Variants in UMOD observed in about 807,000 individuals in gnomAD.
UMOD encodes the protein Tamm-Horsfall urinary glycoprotein.
UMOD carries 64 observed loss-of-function variants against 66.0 expected under a neutral mutation model. The ratio of observed to expected loss-of-function variants is 0.97; its 90% CI spans 0.79 to 1.19. UMOD has a LOEUF of 1.19. Among genes scored for constraint, UMOD ranks in the 50% most tolerant of loss-of-function variants. The pLI, the probability that UMOD is intolerant of heterozygous loss-of-function variation, is 0.00. For synonymous variants in UMOD, 398 were observed against 352.7 expected, an observed-to-expected ratio of 1.13 and a Z score of -1.44; for missense variants, 764 against 850.9, an observed-to-expected ratio of 0.90 and a Z score of 1.27.
In UMOD at chr16:20,350,784, A is replaced by G. The variant is rs75645968; in HGVS notation, c.-47T>C. ...TTCAGGTCTAGATAGCACCTGCCCA[A>G]AGGAAAGACGGGTTGGCCCTTTGAA... On this transcript the variant is annotated 5_prime_UTR_variant, in exon 2 of 11. Coordinates refer to ENST00000396138, the MANE Select transcript of UMOD (RefSeq NM_003361.4). The G allele has an allele frequency of 0.017, 28,109 of 1,613,218 alleles. 638 individuals carry two copies. The highest frequency in any genetic ancestry group is 0.078 in the African/African-American group (5,824 of 74,994).
At chr16:20,335,714 C>A (rs1432739715) in intron 9 of UMOD, among the ~76,000 whole-genome samples, 194 bp from the exon 10 acceptor site, 1 of 152,216 alleles carries the variant, frequency 6.6e-6, no homozygotes, top group Admixed American at 6.5e-5. Context: ...GGTCCCAACC[C>A]TTAGCAAGAA....
rs142448261 is a variant in UMOD at position 20,334,973 on chromosome 16, G to A, written c.1861+509C>T. Among the ~76,000 whole-genome samples the A allele has an allele frequency of 6.5e-3, 991 of 151,574 alleles. 8 individuals carry two copies. Among genetic ancestry groups the A allele is most frequent in the African/African-American group, 0.022 (917 of 41,302 alleles). On this transcript the variant is annotated intron_variant, in intron 10 of 10. Transcript: ENST00000396138. Reference sequence around the variant, plus strand: ...TCAGCCTCCCAAGTAGCTGGGAGGCGCGCGCCACCACACCCAGCTAACTTT... The same window carrying A: ...TCAGCCTCCCAAGTAGCTGGGAGGCACGCGCCACCACACCCAGCTAACTTT...
In UMOD at chr16:20,336,509, A is replaced by G. The variant is rs546247616; in HGVS notation, c.1822+137T>C. On this transcript the variant is annotated intron_variant, in intron 9 of 10. Coordinates refer to ENST00000396138, the MANE Select transcript of UMOD (RefSeq NM_003361.4). ...GTGAAAGGAAGGCAGTCTGTATTCC[A>G]CCTTGCCCCAGAGGATCCACTTGCT... The G allele has an allele frequency of 2.5e-5, 19 of 769,614 alleles. No individual in the cohort carries two copies. In the African/African-American group the frequency reaches 2.6e-4, roughly 10 times the overall value. The allele number at this position is 769,614 out of a possible 1,614,324, so 47.7% of individuals were successfully genotyped here. A position where few individuals can be genotyped will look rare whatever the true frequency, so the allele number is the denominator to read the frequency against.
At chr16:20,334,613 G>T (rs368005151) in intron 10 of UMOD, among the ~76,000 whole-genome samples, 1 of 152,206 alleles carries the variant, frequency 6.6e-6, no homozygotes, top group African/African-American at 2.4e-5. Flanking sequence ...CACAGCATAG[G>T]TATGTGTGCA....
chr16:20,344,038 T>A lies in UMOD; in HGVS notation c.1317A>T (p.Leu439=), dbSNP rs142589683. 1 of 1,613,634 alleles carries A rather than the reference T, an allele frequency of 6.2e-7. No individual in the cohort carries two copies. Among genetic ancestry groups the A allele is most frequent in the African/African-American group, 1.3e-5 (1 of 74,876 alleles). The change falls in exon 6 of 11, where the codon CTA becomes CTT. Residue 439 remains leucine (L), a synonymous_variant. Coordinates refer to ENST00000396138, the MANE Select transcript of UMOD (RefSeq NM_003361.4). ...LDMKVSLKTA[L]QPMVSALNIR... is the part of the protein sequence containing the mutation. Reference sequence around the variant, plus strand: ...TCTGGCCACACCTGACCATTGGCTGTAGGGCGGTCTTCAGGCTGACTTTCA... The same window carrying A: ...TCTGGCCACACCTGACCATTGGCTGAAGGGCGGTCTTCAGGCTGACTTTCA...
At chr16:20,341,005 A>G (rs1156253119) in intron 7 of UMOD, 86 bp downstream of exon 7, 2 of 1,441,994 alleles carry the variant, frequency 1.4e-6, no homozygotes, top group African/African-American at 2.8e-5. Context: ...AAAAAAAAAA[A>G]AAAAGATGCA....
intron 8 of UMOD, 76 bp from the exon 9 acceptor site, chr16:20,336,803 C>T: frequency 7.3e-7 from 1 of 1,362,448 alleles, no homozygotes; most frequent in Non-Finnish European, 1.0e-6. Flanking sequence ...GAGTGGACTG[C>T]CCACCTCACA....
rs767650985 is a variant in UMOD at position 20,341,200 on chromosome 16, T to G, written c.1468A>C (p.Met490Leu). ...CGGGACAGGTCGCCCCCATCCAACA[T>G]GGTGCCCACGTAGAGAAAAGCCTCA... ...STEAFLYVGT[M>L]LDGGDLSRFA... The change falls in exon 7 of 11, where the codon ATG (methionine) becomes CTG (leucine). Residue 490 changes from methionine (M) to leucine (L), a missense_variant. Met to Leu is a conservative substitution (Grantham distance 15). Coordinates refer to ENST00000396138, the MANE Select transcript of UMOD (RefSeq NM_003361.4). 6.2e-7 allele frequency: 1 copy of G among 1,613,844 alleles called. No individual in the cohort carries two copies. Among genetic ancestry groups the G allele is most frequent in the Non-Finnish European group, 8.5e-7 (1 of 1,180,000 alleles).
intron 6 of UMOD, chr16:20,342,589 C>T (rs745528399): frequency 6.6e-6 from 1 of 151,822 alleles, no homozygotes; most frequent in Non-Finnish European, 1.5e-5. Flanking sequence ...GGGCAAGCTT[C>T]GAAGGGAAGG....
intron 4 of UMOD, among the ~76,000 whole-genome samples, chr16:20,347,109 G>A (rs574924463): frequency 1.3e-3 from 193 of 152,186 alleles, no homozygotes; most frequent in Admixed American, 2.4e-3. Context: ...TGCAACCTCC[G>A]CATCCTGGGT....
Position 20,337,468 on chromosome 16 carries a change from C to T in UMOD, c.1578-15G>A. 4 of 1,614,176 alleles carry T rather than the reference C, an allele frequency of 2.5e-6. No individual in the cohort carries two copies. Among genetic ancestry groups the T allele is most frequent in the South Asian group, 1.1e-5 (1 of 91,070 alleles). On this transcript the variant is annotated splice_polypyrimidine_tract_variant and intron_variant, in intron 7 of 10. Coordinates refer to ENST00000396138, the MANE Select transcript of UMOD (RefSeq NM_003361.4). ...TGTGTGGGCATCTGGGAGGGTTACA[C>T]ATCATTTAATGTGGTTGGTTAAATA...
At chr16:20,353,295 C>A (rs1420979263), upstream of UMOD, among the ~76,000 whole-genome samples, 2 of 152,112 alleles carry the variant, frequency 1.3e-5, no homozygotes, top group Non-Finnish European at 2.9e-5. Context: ...CCACTCTGTA[C>A]AACAAAGAAT....
chr16:20,341,054 C>T, intron 7 of UMOD, 37 bp downstream of exon 7: 1 of 1,546,660 alleles, frequency 6.5e-7, no homozygotes. Flanking sequence ...CCTCTGAATT[C>T]TACCCATGAG....
chr16:20,341,210 G>GT lies in UMOD; in HGVS notation c.1457dup (p.Tyr486Ter). Residue 486 changes from tyrosine to a stop codon, truncating the protein, a stop_gained and frameshift_variant, in exon 7 of 11, where the codon TAC (tyrosine) becomes TAAC (stop). Transcript: ENST00000396138. LOFTEE classifies it high-confidence loss of function. ...CGCCCCCATCCAACATGGTGCCCAC[G>GT]TAGAGAAAAGCCTCAGTGGACAGTG... Reference protein sequence around the residue: ...SVTLSTEAFLYVGTMLDGGDL... With the variant: ...SVTLSTEAFL The GT allele has an allele frequency of 6.2e-7, 1 of 1,614,038 alleles. No homozygotes were observed. The highest frequency in any genetic ancestry group is 8.5e-7 in the Non-Finnish European group (1 of 1,179,984).
rs368943553 is a variant in UMOD, at chr16:20,348,909, C to T, written c.392G>A (p.Gly131Asp). The change falls in exon 3 of 11, where the codon GGC becomes GAC. Residue 131 changes from glycine to aspartate, a missense_variant. Transcript: ENST00000396138. ...CGCGGGGCATACGCACAAGTAGCTG[C>T]CCACCACATTGACACATGTGGCCAG... The part of the protein sequence containing the change: ...HALATCVNVV[G>D]SYLCVCPAGY... 5.1e-5 allele frequency: 79 copies of T among 1,562,026 alleles called. No homozygotes were observed. Among genetic ancestry groups the T allele is most frequent in the Non-Finnish European group, 2.4e-5 (28 of 1,153,800 alleles).
In UMOD at chr16:20,348,982, T is replaced by A; in HGVS notation, c.319A>T (p.Thr107Ser). 6.4e-7 allele frequency: 1 copy of A among 1,574,634 alleles called. No homozygotes were observed. The highest frequency in any genetic ancestry group is 8.6e-7 in the Non-Finnish European group (1 of 1,160,160). ...GFRLSPGLGC[T>S]DVDECAEPGL... is the part of the protein sequence containing the mutation. ...GGCTCAGCGCACTCATCCACGTCTGTGCAGCCGAGACCGGGCGACAGGCGG... is the reference window on the plus strand; with the variant it reads ...GGCTCAGCGCACTCATCCACGTCTGAGCAGCCGAGACCGGGCGACAGGCGG... The change falls in exon 3 of 11, where the codon ACA (threonine) becomes TCA (serine). Residue 107 changes from threonine to serine, a missense_variant. Coordinates refer to ENST00000396138, the MANE Select transcript of UMOD (RefSeq NM_003361.4).
chr16:20,349,710 T>C, intron 2 of UMOD: 7 of 1,510,346 alleles, frequency 4.6e-6, no homozygotes, highest in East Asian at 2.5e-5. Context: ...TCCTATACTT[T>C]GGTAGGATTT....
At position 20,333,144 on chromosome 16, in the gene UMOD, T is replaced by TA; in HGVS notation, c.*169_*170insT. ...GTCCCATTTTGAGAAAAAGCAGCAT[T>TA]TAAAGACACAGGCTGTTTCTCGACA... is the stretch of plus-strand genomic sequence containing the variant. On this transcript the variant is annotated 3_prime_UTR_variant, in exon 11 of 11. Transcript: ENST00000396138. 1 of 719,154 alleles carries TA rather than the reference T, an allele frequency of 1.4e-6. No homozygotes were observed. The allele number at this position is 719,154 out of a possible 1,614,324, so 44.5% of individuals were successfully genotyped here.
In UMOD at chr16:20,346,215, G is replaced by A. The variant is rs775391621; in HGVS notation, c.1093C>T (p.Arg365Trp). The A allele has an allele frequency of 1.3e-5, 21 of 1,614,116 alleles. 1 individual carries two copies. Among genetic ancestry groups the A allele is most frequent in the East Asian group, 2.2e-5 (1 of 44,900 alleles). ...TCTCTGTCATTGAAGCCCGAGCACCGGCTGTCACTCAGGTACATGAAGACC... is the reference window on the plus strand; with the variant it reads ...TCTCTGTCATTGAAGCCCGAGCACCAGCTGTCACTCAGGTACATGAAGACC... ...DKVFMYLSDS[R>W]CSGFNDRDNR... Residue 365 changes from arginine to tryptophan, a missense_variant, in exon 5 of 11, where the codon CGG (arginine) becomes TGG (tryptophan). Transcript: ENST00000396138.
Sources: gnomAD v4.1 joint callset for allele counts (sites outside exome capture counted in the v4.1 genomes callset) on GRCh38, gnomAD v4.1.1 for gene constraint, MANE v1.5 for transcripts, NCBI Gene and HGNC (gene_info 2026-07-23, HGNC 2026-07-21) for gene names.